The following ANKS1B variants were observed in gnomAD, a reference collection of about 807,000 sequenced individuals.
ANKS1B encodes ankyrin repeat and sterile alpha motif domain containing 1B.
Under a neutral mutation model 148.3 loss-of-function variants are expected in ANKS1B, and 36 were observed. That is an observed-to-expected ratio of 0.24 (90% CI 0.19 to 0.32). The LOEUF (loss-of-function observed/expected upper bound fraction) is 0.32. ANKS1B is among the 10% of genes least tolerant of loss of function. The pLI is 1.00. For synonymous variants in ANKS1B, 542 were observed against 560.8 expected, an observed-to-expected ratio of 0.97 and a Z score of 0.47; for missense variants, 1,157 against 1,542.6, an observed-to-expected ratio of 0.75 and a Z score of 4.19.
intron 8 of ANKS1B, among the ~76,000 whole-genome samples, chr12:99,676,367 A>C (rs1224866430): frequency 1.3e-5 from 2 of 152,200 alleles, no homozygotes; most frequent in Non-Finnish European, 2.9e-5. Context: ...GTGAATTTTC[A>C]TTATTCATAC....
Position 99,133,197 on chromosome 12 carries a change from A to C in ANKS1B, c.2526+21092T>G, listed in dbSNP as rs544287431. Among the ~76,000 whole-genome samples the C allele has an allele frequency of 2.9e-3, 434 of 151,828 alleles. 1 individual carries two copies. Among genetic ancestry groups the C allele is most frequent in the African/African-American group, 1.0e-2 (413 of 41,404 alleles). On this transcript the variant is annotated intron_variant, in intron 15 of 26. Transcript: ENST00000683438. Reference sequence around the variant, plus strand: ...CTCCCAAGTAGCTGGGATTACAGGAACATGCCACCACGCCCAGCTATTTTT... The same window carrying C: ...CTCCCAAGTAGCTGGGATTACAGGACCATGCCACCACGCCCAGCTATTTTT...
At chr12:99,946,665 A>G (rs1403870831) in intron 1 of ANKS1B, among the ~76,000 whole-genome samples, 1 of 152,164 alleles carries the variant, frequency 6.6e-6, no homozygotes, top group Non-Finnish European at 1.5e-5. Context: ...TTTGGTTTAC[A>G]CTTTGGCCAT....
chr12:99,686,767 C>G (rs1399578953), intron 8 of ANKS1B, among the ~76,000 whole-genome samples: 1 of 152,124 alleles, frequency 6.6e-6, no homozygotes, highest in African/African-American at 2.4e-5. Flanking sequence ...TTCCTCCTAT[C>G]ATTTTTGTGC....
chr12:99,975,044 T>C (rs923180025), intron 1 of ANKS1B, among the ~76,000 whole-genome samples: 1 of 152,090 alleles, frequency 6.6e-6, no homozygotes, highest in Non-Finnish European at 1.5e-5. Flanking sequence ...CCCAGCTACT[T>C]GGGGTCTAAG....
At chr12:99,429,903 G>A (rs145692374) in intron 11 of ANKS1B, among the ~76,000 whole-genome samples, 2,212 of 152,162 alleles carry the variant, frequency 0.015, 56 homozygotes, top group South Asian at 0.04. Flanking sequence ...GGCGAAGCTT[G>A]CAGTGAGCCA....
intron 17 of ANKS1B, among the ~76,000 whole-genome samples, chr12:98,974,897 TCCTA>T: frequency 6.8e-6 from 1 of 147,852 alleles, no homozygotes; most frequent in Non-Finnish European, 1.5e-5. Context: ...TCCCTTCCTT[TCCTA>T]CCTCCCTCCC....
intron 17 of ANKS1B, among the ~76,000 whole-genome samples, chr12:98,996,143 A>G (rs1409896766): frequency 1.3e-5 from 2 of 152,144 alleles, no homozygotes; most frequent in Non-Finnish European, 1.5e-5. Flanking sequence ...AATTAGCCCT[A>G]CACTAAATTA....
chr12:99,784,476 A>C (rs938553044), intron 4 of ANKS1B, among the ~76,000 whole-genome samples: 4 of 151,818 alleles, frequency 2.6e-5, no homozygotes, highest in Non-Finnish European at 5.9e-5. Flanking sequence ...CTGGCCCCTG[A>C]ACACTTTCAT....
intron 14 of ANKS1B, among the ~76,000 whole-genome samples, chr12:99,229,446 T>C (rs2086478196): frequency 6.6e-6 from 1 of 151,980 alleles, no homozygotes; most frequent in Non-Finnish European, 1.5e-5. Flanking sequence ...GATATATTCC[T>C]ATATGTGATA....
At position 98,820,372 on chromosome 12, in the gene ANKS1B, C is replaced by G. The variant is rs541397821; in HGVS notation, c.3066+8802G>C. ...CTCTGACGATGATGCCGATGAATCA[C>G]CAGGCCTAAGCTAGACCGATGATAC... On this transcript the variant is annotated intron_variant, in intron 19 of 26. Transcript: ENST00000683438. Among the ~76,000 whole-genome samples the G allele has an allele frequency of 2.6e-5, 4 of 152,324 alleles. No homozygotes were observed. The East Asian group carries it at 7.7e-4, about 29-fold the overall frequency.
exon 10 of ANKS1B, chr12:98,735,142 G>A (rs1450398022): frequency 7.5e-6 from 3 of 398,646 alleles, no homozygotes; most frequent in Non-Finnish European, 1.3e-5. Context: ...CTAGTATGAT[G>A]GAGCTGCAAA....
chr12:99,823,327 T>C (rs2082737701), intron 2 of ANKS1B, among the ~76,000 whole-genome samples: 2 of 152,244 alleles, frequency 1.3e-5, no homozygotes, highest in East Asian at 3.9e-4. Context: ...TATTTATTTA[T>C]TTATTTTTGA....
chr12:98,749,480 A>C (rs1453284392), intron 26 of ANKS1B, among the ~76,000 whole-genome samples: 1 of 152,120 alleles, frequency 6.6e-6, no homozygotes, highest in Non-Finnish European at 1.5e-5. Flanking sequence ...TAAATGCTAC[A>C]CAGAATTAAA....
intron 12 of ANKS1B, among the ~76,000 whole-genome samples, chr12:99,333,758 T>G (rs2088058244): frequency 6.6e-6 from 1 of 151,712 alleles, no homozygotes; most frequent in Non-Finnish European, 1.5e-5. Flanking sequence ...TTTTCCCATC[T>G]CCAGCCCCTT....
At position 99,655,202 on chromosome 12, in the gene ANKS1B, T is replaced by G; in HGVS notation, c.1137A>C (p.Ser379=). ...CTCCTGGTGACAAATTGATTGTAGA[T>G]GAGGTTCTCTGAAATTAAATTTATA... ...GKNGSQSVRT[S]STINLSPGEV... The change falls in exon 9 of 27, where the codon TCA becomes TCC. Residue 379 remains serine, a synonymous_variant. Coordinates refer to ENST00000683438, the MANE Select transcript of ANKS1B (RefSeq NM_001352186.2). 1 of 1,605,952 alleles carries G rather than the reference T, an allele frequency of 6.2e-7. No individual in the cohort carries two copies. The highest frequency in any genetic ancestry group is 1.1e-5 in the South Asian group (1 of 89,866).
At chr12:99,136,050 G>T (rs2067938817) in intron 15 of ANKS1B, among the ~76,000 whole-genome samples, 1 of 152,166 alleles carries the variant, frequency 6.6e-6, no homozygotes, top group South Asian at 2.1e-4. Flanking sequence ...GATAGGAAAT[G>T]CAAGATGAAG....
chr12:99,068,288 G>A (rs948645094), intron 16 of ANKS1B, among the ~76,000 whole-genome samples: 2 of 152,106 alleles, frequency 1.3e-5, no homozygotes, highest in African/African-American at 2.4e-5. Context: ...GTCATTGTGC[G>A]AACATCAGAC....
At position 98,985,287 on chromosome 12, in the gene ANKS1B, A is replaced by T. The variant is rs560789996; in HGVS notation, c.2778+67870T>A. 1.0e-3 allele frequency among the ~76,000 whole-genome samples: 153 copies of T among 151,204 alleles called. 1 individual carries two copies. The highest frequency in any genetic ancestry group is 3.4e-3 in the Middle Eastern group (1 of 292). ...ACCACTGCTCCTGGCTAATTAAAAA[A>T]TTTTTTTTTGCAGAGAAGAGATCTT... is the stretch of plus-strand genomic sequence containing the variant. On this transcript the variant is annotated intron_variant, in intron 17 of 26. Coordinates refer to ENST00000683438, the MANE Select transcript of ANKS1B (RefSeq NM_001352186.2).
chr12:98,958,368 T>TA (rs973466611), intron 17 of ANKS1B, among the ~76,000 whole-genome samples: 2 of 152,226 alleles, frequency 1.3e-5, no homozygotes, highest in Non-Finnish European at 2.9e-5. Flanking sequence ...CAATATATCT[T>TA]AGAGTGAGGC....
Sources: gnomAD v4.1 joint callset for allele counts (sites outside exome capture counted in the v4.1 genomes callset) on GRCh38, gnomAD v4.1.1 for gene constraint, MANE v1.5 for transcripts, NCBI Gene and HGNC (gene_info 2026-07-23, HGNC 2026-07-21) for gene names.